ADAM23: variants seen among roughly 807,000 people sequenced by gnomAD.
ADAM23 encodes ADAM metallopeptidase domain 23.
Under a neutral mutation model 120.1 loss-of-function variants are expected in ADAM23, and 33 were observed. That is an observed-to-expected ratio of 0.27 (90% confidence interval 0.21 to 0.37). The LOEUF is 0.37. ADAM23 is among the 10% of genes least tolerant of loss of function. The pLI is 1.00. For synonymous variants in ADAM23, 367 were observed against 375.2 expected, an observed-to-expected ratio of 0.98 and a Z score of 0.25; for missense variants, 862 against 1,058.2, an observed-to-expected ratio of 0.81 and a Z score of 2.57.
chr2:206,587,400 T>A lies in ADAM23; in HGVS notation c.1788+25T>A, dbSNP rs775515107. ...GGTATGCTGGGCTATAAATTTTAAGTGTAATTTAAAAAGGATTCATTGGAA... is the reference window on the plus strand; with the variant it reads ...GGTATGCTGGGCTATAAATTTTAAGAGTAATTTAAAAAGGATTCATTGGAA... On this transcript the variant is annotated intron_variant, in intron 19 of 25. Coordinates refer to ENST00000264377, the MANE Select transcript of ADAM23 (RefSeq NM_003812.4). 3.8e-6 allele frequency: 6 copies of A among 1,560,280 alleles called. No individual in the cohort carries two copies. The East Asian group carries it at 1.4e-4, about 35-fold the overall frequency.
At chr2:206,492,113 T>A (rs1436824837) in intron 3 of ADAM23, among the ~76,000 whole-genome samples, 2 of 152,188 alleles carry the variant, frequency 1.3e-5, no homozygotes, top group African/African-American at 4.8e-5. Flanking sequence ...CTGTAGGCAT[T>A]TAATGACAAT....
At position 206,608,030 on chromosome 2, in the gene ADAM23, T is replaced by C. The variant is rs75400741; in HGVS notation, c.2360-1880T>C. On this transcript the variant is annotated intron_variant, in intron 24 of 25. Coordinates refer to ENST00000264377, the MANE Select transcript of ADAM23 (RefSeq NM_003812.4). ...GTATGTACATGGTTATATATTTTTT[T>C]AATATTTGTTTTGAAATTTGATTCT... 5.4e-4 allele frequency: 224 copies of C among 417,962 alleles called. 2 individuals are homozygous for C. The highest frequency in any genetic ancestry group is 4.4e-3 in the African/African-American group (213 of 48,240). 25.9% of individuals were successfully genotyped at this position (417,962 alleles called of 1,614,324 possible). A position where few individuals can be genotyped will look rare whatever the true frequency, so the allele number is the denominator to read the frequency against.
chr2:206,460,385 G>C (rs897399596), intron 2 of ADAM23, among the ~76,000 whole-genome samples: 5 of 152,038 alleles, frequency 3.3e-5, no homozygotes, highest in African/African-American at 4.8e-5. Context: ...ACCAGCACTG[G>C]TTATTTTCTG....
At chr2:206,465,117 C>G (rs1695517182) in intron 2 of ADAM23, among the ~76,000 whole-genome samples, 1 of 152,074 alleles carries the variant, frequency 6.6e-6, no homozygotes, top group Admixed American at 6.5e-5. Context: ...GTGATCGTTG[C>G]TCGCCGTAGC....
intron 3 of ADAM23, among the ~76,000 whole-genome samples, chr2:206,484,731 C>T (rs1440534263): frequency 6.6e-6 from 1 of 152,068 alleles, no homozygotes; most frequent in African/African-American, 2.4e-5. Flanking sequence ...GTGCTATCTC[C>T]CTTGATATGG....
intron 2 of ADAM23, 66 bp downstream of exon 2, chr2:206,445,590 G>A (rs1020131547): frequency 1.4e-6 from 2 of 1,402,688 alleles, no homozygotes; most frequent in South Asian, 1.3e-5. Flanking sequence ...TTGATTTTCT[G>A]CCAGAATCTG....
rs116307703 is a variant in ADAM23, at chr2:206,579,565, G to C, written c.1737+6370G>C. Among the ~76,000 whole-genome samples the C allele has an allele frequency of 3.1e-3, 478 of 151,800 alleles. 3 individuals carry two copies. Among genetic ancestry groups the C allele is most frequent in the African/African-American group, 0.01 (431 of 41,460 alleles). ...CTGTAAGTATTTGGGTTTATTTCTGGGTTCTATATGCCATTGGTCTATATG... is the reference window on the plus strand; with the variant it reads ...CTGTAAGTATTTGGGTTTATTTCTGCGTTCTATATGCCATTGGTCTATATG... On this transcript the variant is annotated intron_variant, in intron 18 of 25. Coordinates refer to ENST00000264377, the MANE Select transcript of ADAM23 (RefSeq NM_003812.4).
chr2:206,599,811 G>A (rs1026463684), intron 24 of ADAM23, among the ~76,000 whole-genome samples: 6 of 152,170 alleles, frequency 3.9e-5, no homozygotes, highest in East Asian at 1.9e-4. Context: ...TTGCCTTGCC[G>A]ACGAGTAATA....
intron 25 of ADAM23, among the ~76,000 whole-genome samples, chr2:206,611,258 GT>G (rs1698821490): frequency 2.6e-5 from 4 of 152,082 alleles, no homozygotes; most frequent in Admixed American, 2.0e-4. Context: ...AGTTGAACTT[GT>G]TTAGTAATGT....
At chr2:206,452,388 C>T (rs1215238983) in intron 2 of ADAM23, among the ~76,000 whole-genome samples, 2 of 152,216 alleles carry the variant, frequency 1.3e-5, no homozygotes, top group Admixed American at 6.5e-5. Context: ...CTAAATAATG[C>T]TTTCTGCTCA....
intron 4 of ADAM23, among the ~76,000 whole-genome samples, chr2:206,532,653 A>T (rs1010890642): frequency 1.3e-5 from 2 of 152,174 alleles, no homozygotes; most frequent in Admixed American, 6.5e-5. Context: ...TATGGTGCAC[A>T]CTATTTTATA....
intron 18 of ADAM23, among the ~76,000 whole-genome samples, chr2:206,577,569 A>G (rs1281461439): frequency 7.2e-6 from 1 of 138,534 alleles, no homozygotes; most frequent in Non-Finnish European, 1.6e-5. Context: ...AGTTTCATCC[A>G]TGTCCCTACA....
chr2:206,583,366 A>G (rs1698257319), intron 18 of ADAM23, among the ~76,000 whole-genome samples: 1 of 151,642 alleles, frequency 6.6e-6, no homozygotes, highest in Non-Finnish European at 1.5e-5. Flanking sequence ...AGGCAGGAGA[A>G]TGGCGTGAAC....
At chr2:206,526,144 A>G (rs1696941030) in intron 3 of ADAM23, among the ~76,000 whole-genome samples, 1 of 18,730 alleles carries the variant, frequency 5.3e-5, no homozygotes, top group African/African-American at 2.0e-4. Flanking sequence ...CAACAAATAC[A>G]CACACACACA....
intron 3 of ADAM23, among the ~76,000 whole-genome samples, chr2:206,495,063 G>T (rs1216889831): frequency 3.3e-5 from 5 of 152,166 alleles, no homozygotes; most frequent in Admixed American, 3.3e-4. Flanking sequence ...GAACCAAGTT[G>T]GAAAACACTC....
intron 18 of ADAM23, among the ~76,000 whole-genome samples, chr2:206,576,125 G>T (rs116147184): frequency 1.3e-5 from 2 of 151,798 alleles, no homozygotes; most frequent in Non-Finnish European, 2.9e-5. Flanking sequence ...AGGTTTTTTT[G>T]CAATTTTCTG....
At chr2:206,548,020 C>T (rs1476213904) in intron 7 of ADAM23, among the ~76,000 whole-genome samples, 1 of 152,134 alleles carries the variant, frequency 6.6e-6, no homozygotes, top group African/African-American at 2.4e-5. Context: ...GTCAAATTTT[C>T]AGATATTGTC....
At chr2:206,586,113 A>G (rs1234866986) in intron 18 of ADAM23, among the ~76,000 whole-genome samples, 1 of 152,270 alleles carries the variant, frequency 6.6e-6, no homozygotes. Flanking sequence ...GTGGACTCAC[A>G]TCAGCCATGG....
intron 25 of ADAM23, among the ~76,000 whole-genome samples, chr2:206,614,809 T>C (rs1698903433): frequency 6.6e-6 from 1 of 152,232 alleles, no homozygotes; most frequent in South Asian, 2.1e-4. Context: ...GGCTAGTCTT[T>C]CCACGAGGAG....
Sources: allele counts gnomAD v4.1 joint callset (sites outside exome capture counted in the v4.1 genomes callset), GRCh38; gene constraint gnomAD v4.1.1; transcripts MANE v1.5; gene names NCBI Gene and HGNC (gene_info 2026-07-23, HGNC 2026-07-21).